KANSL1: variants seen among roughly 807,000 people sequenced by gnomAD.
KANSL1 encodes KAT8 regulatory NSL complex subunit 1.
KANSL1 carries 22 observed loss-of-function variants against 103.6 expected under a neutral mutation model. The ratio of observed to expected loss-of-function variants is 0.21; its 90% confidence interval spans 0.15 to 0.30. The LOEUF (loss-of-function observed/expected upper bound fraction) is 0.30. Ranked by LOEUF, KANSL1 falls within the 10% of genes least tolerant of loss-of-function variation. KANSL1 has a pLI of 1.00. For synonymous variants in KANSL1, 600 were observed against 527.6 expected (o/e 1.14, Z -1.88); for missense variants, 1,337 against 1,399.8 (o/e 0.96, Z 0.72).
chr17:46,080,446 ATTT>A (rs925313599), intron 4 of KANSL1, among the ~76,000 whole-genome samples: 1 of 148,028 alleles, frequency 6.8e-6, no homozygotes, highest in Non-Finnish European at 1.5e-5. Flanking sequence ...GGGCAACCTA[ATTT>A]TTTTTTTTAA....
intron 2 of KANSL1, among the ~76,000 whole-genome samples, chr17:46,151,652 C>A (rs1365224258): frequency 1.3e-5 from 2 of 152,226 alleles, no homozygotes; most frequent in Non-Finnish European, 2.9e-5. Flanking sequence ...CTGGAACACA[C>A]TGAGTACTTG....
In KANSL1 at chr17:46,082,450, A is replaced by G. The variant is rs1436797255; in HGVS notation, c.1524T>C (p.Thr508=). The G allele has an allele frequency of 6.2e-7, 1 of 1,603,240 alleles. No homozygotes were observed. Among genetic ancestry groups the G allele is most frequent in the Admixed American group, 1.7e-5 (1 of 59,884 alleles). ...LSSEVKTDHG[T]DKLIESVSQP... is the part of the protein sequence containing the mutation. Reference sequence around the variant, plus strand: ...TATCTTTTATACTTACCAATTTATCAGTCCCATGATCTGTCTTCACCTCAG... The same window carrying G: ...TATCTTTTATACTTACCAATTTATCGGTCCCATGATCTGTCTTCACCTCAG... The change falls in exon 4 of 15, where the codon ACT becomes ACC. Residue 508 remains threonine (T), a synonymous_variant. Coordinates refer to ENST00000432791, the MANE Select transcript of KANSL1 (RefSeq NM_015443.4).
chr17:46,101,880 G>A (rs142105145), intron 2 of KANSL1, among the ~76,000 whole-genome samples: 4,336 of 151,592 alleles, frequency 0.029, 217 homozygotes, highest in African/African-American at 0.1. Flanking sequence ...AAACCTCTCA[G>A]ATAAATTCAG....
chr17:46,103,089 A>G (rs1416004938), intron 2 of KANSL1, among the ~76,000 whole-genome samples: 1 of 152,254 alleles, frequency 6.6e-6, no homozygotes, highest in Non-Finnish European at 1.5e-5. Context: ...CCAACAGTGA[A>G]CAACGAAAAG....
At chr17:46,098,746 G>C (rs1447880052) in intron 2 of KANSL1, among the ~76,000 whole-genome samples, 1 of 152,242 alleles carries the variant, frequency 6.6e-6, no homozygotes, top group Non-Finnish European at 1.5e-5. Flanking sequence ...AGAACTCGAA[G>C]TGATTTCCAG....
At chr17:46,155,755 T>TAA (rs112992686) in intron 2 of KANSL1, among the ~76,000 whole-genome samples, 17,904 of 145,214 alleles carry the variant, frequency 0.12, 21 homozygotes, top group Middle Eastern at 0.2. Context: ...TACAGTCTAT[T>TAA]AAAAAAAAAA....
At chr17:46,164,781 T>C (rs1175495023) in intron 2 of KANSL1, among the ~76,000 whole-genome samples, 3 of 152,222 alleles carry the variant, frequency 2.0e-5, no homozygotes, top group Non-Finnish European at 2.9e-5. Context: ...CATTTCAAAG[T>C]AGTTTGAGAC....
chr17:46,142,322 A>C (rs1265761511), intron 2 of KANSL1, among the ~76,000 whole-genome samples: 2 of 152,254 alleles, frequency 1.3e-5, no homozygotes, highest in Non-Finnish European at 2.9e-5. Flanking sequence ...GAATCATAAA[A>C]ACATTACAAC....
At chr17:46,157,877 G>T (rs879669902) in intron 2 of KANSL1, among the ~76,000 whole-genome samples, 1 of 152,244 alleles carries the variant, frequency 6.6e-6, no homozygotes, top group African/African-American at 2.4e-5. Context: ...TACGCACAGG[G>T]TGTGCCCAAA....
chr17:46,217,059 G>A (rs1375042045), intron 1 of KANSL1, among the ~76,000 whole-genome samples: 4 of 147,034 alleles, frequency 2.7e-5, no homozygotes, highest in Non-Finnish European at 5.9e-5. Context: ...AGGTTGCAGT[G>A]ATCCAAGTGC....
At chr17:46,167,553 G>A (rs567135006) in intron 2 of KANSL1, among the ~76,000 whole-genome samples, 54 of 152,264 alleles carry the variant, frequency 3.5e-4, no homozygotes, top group Admixed American at 1.7e-3. Context: ...TTTCAAAGCA[G>A]TTATATTTCC....
At chr17:46,112,664 G>A (rs531825221) in intron 2 of KANSL1, among the ~76,000 whole-genome samples, 1 of 152,086 alleles carries the variant, frequency 6.6e-6, no homozygotes, top group South Asian at 2.1e-4. Context: ...CATCCTGGGT[G>A]AGAGTGAGAC....
intron 2 of KANSL1, chr17:46,152,893 T>A (rs1478845297): frequency 2.0e-5 from 3 of 152,394 alleles, no homozygotes; most frequent in Middle Eastern, 3.4e-3. Flanking sequence ...AAATTATTCC[T>A]GGATACTTAG....
intron 2 of KANSL1, among the ~76,000 whole-genome samples, chr17:46,129,995 G>C (rs1181898202): frequency 6.6e-6 from 1 of 151,910 alleles, no homozygotes. Flanking sequence ...AGACCAGCCC[G>C]GGCAACATGG....
intron 6 of KANSL1, among the ~76,000 whole-genome samples, chr17:46,059,574 G>T (rs1021570714): frequency 7.4e-6 from 1 of 135,980 alleles, no homozygotes; most frequent in South Asian, 2.5e-4. Context: ...AGTGAGCCAA[G>T]ATCATGCCAT....
At chr17:46,206,083 C>CCAAAAAA (rs1491578296) in intron 1 of KANSL1, among the ~76,000 whole-genome samples, 1 of 89,598 alleles carries the variant, frequency 1.1e-5, no homozygotes, top group African/African-American at 5.1e-5. Flanking sequence ...CTGTGTCCCC[C>CCAAAAAA]AAAAAAAAAA....
chr17:46,186,339 C>T (rs2047033451), intron 1 of KANSL1, among the ~76,000 whole-genome samples: 1 of 151,346 alleles, frequency 6.6e-6, no homozygotes, highest in Admixed American at 6.6e-5. Flanking sequence ...GCTGAGATCC[C>T]GCCACTGCAC....
intron 2 of KANSL1, among the ~76,000 whole-genome samples, chr17:46,136,655 T>C (rs979640191): frequency 2.0e-5 from 3 of 152,186 alleles, no homozygotes; most frequent in Admixed American, 2.0e-4. Context: ...AGGTTCCACG[T>C]TTCCAAAAAA....
intron 6 of KANSL1, among the ~76,000 whole-genome samples, chr17:46,064,053 T>TAAAAAAAAAAAA (rs58111244): frequency 7.6e-5 from 8 of 105,720 alleles, no homozygotes; most frequent in East Asian, 3.6e-4. Flanking sequence ...CGACTATTAG[T>TAAAAAAAAAAAA]AAAAAAAAAA....
Sources: gnomAD v4.1 joint callset for allele counts (sites outside exome capture counted in the v4.1 genomes callset) on GRCh38, gnomAD v4.1.1 for gene constraint, MANE v1.5 for transcripts, NCBI Gene and HGNC (gene_info 2026-07-23, HGNC 2026-07-21) for gene names.